The following PDGFC variants were observed in gnomAD, a reference collection of about 807,000 sequenced individuals.
PDGFC encodes platelet derived growth factor C, also known as platelet-derived growth factor C.
In PDGFC, 12 loss-of-function variants were observed where a neutral mutation model predicts 35.5. The observed-to-expected ratio is 0.34, with a 90% CI of 0.22 to 0.55. The LOEUF is 0.55. Among genes scored for constraint, PDGFC ranks in the 20% least tolerant of loss-of-function variants. The pLI is 0.91. For missense variants in PDGFC, 322 were observed against 412.4 expected, an observed-to-expected ratio of 0.78 and a Z score of 1.90; for synonymous variants, 159 against 148.8, an observed-to-expected ratio of 1.07 and a Z score of -0.50.
chr4:156,926,649 T>A (rs1324837962), intron 1 of PDGFC, among the ~76,000 whole-genome samples: 1 of 152,226 alleles, frequency 6.6e-6, no homozygotes, highest in Non-Finnish European at 1.5e-5. Flanking sequence ...ATGTCTCACA[T>A]CCAGGTCACA....
chr4:156,876,073 A>C (rs1482229981), intron 1 of PDGFC, among the ~76,000 whole-genome samples: 1 of 152,220 alleles, frequency 6.6e-6, no homozygotes, highest in Non-Finnish European at 1.5e-5. Context: ...GGAACAGAAA[A>C]AGAATCAAAA....
intron 1 of PDGFC, among the ~76,000 whole-genome samples, chr4:156,922,505 A>T (rs2110846550): frequency 6.6e-6 from 1 of 152,350 alleles, no homozygotes; most frequent in African/African-American, 2.4e-5. Context: ...ATCAAGAGCA[A>T]GGGCAGAGTG....
intron 3 of PDGFC, among the ~76,000 whole-genome samples, chr4:156,799,344 CCT>C (rs1044031398): frequency 3.9e-5 from 6 of 152,154 alleles, no homozygotes; most frequent in Non-Finnish European, 5.9e-5. Flanking sequence ...GAAATTCCCC[CCT>C]CAGTTTTCTG....
At chr4:156,928,158 C>T (rs1399288122) in intron 1 of PDGFC, among the ~76,000 whole-genome samples, 4 of 152,134 alleles carry the variant, frequency 2.6e-5, no homozygotes, top group South Asian at 2.1e-4. Flanking sequence ...TCCCACAACA[C>T]GTAGGAATTA....
chr4:156,771,947 A>T (rs900193116), intron 4 of PDGFC, among the ~76,000 whole-genome samples: 14 of 152,214 alleles, frequency 9.2e-5, no homozygotes, highest in Non-Finnish European at 5.9e-5. Flanking sequence ...TACTAAAAAA[A>T]TTAGGTAATT....
chr4:156,769,979 A>G (rs1346702781), intron 4 of PDGFC, among the ~76,000 whole-genome samples: 2 of 152,012 alleles, frequency 1.3e-5, no homozygotes, highest in African/African-American at 2.4e-5. Flanking sequence ...CAGCTCTCAA[A>G]GCATATTCAC....
At position 156,797,195 on chromosome 4, in the gene PDGFC, G is replaced by A. The variant is rs1448662686; in HGVS notation, c.495+13642C>T. ...AGAGCTTACAGTGAGCAGAGATCGC[G>A]CCACTGCACTCCACCCTGTGCGACA... is the stretch of plus-strand genomic sequence containing the variant. On this transcript the variant is annotated intron_variant, in intron 3 of 5. Transcript: ENST00000502773. Among the ~76,000 whole-genome samples, 5 of 149,682 alleles carry A rather than the reference G, an allele frequency of 3.3e-5. No homozygotes were observed. The East Asian group carries it at 6.0e-4, about 18-fold the overall frequency.
At chr4:156,893,638 TA>T (rs1730565756) in intron 1 of PDGFC, among the ~76,000 whole-genome samples, 1 of 151,042 alleles carries the variant, frequency 6.6e-6, no homozygotes, top group African/African-American at 2.4e-5. Flanking sequence ...ATACCCAGCC[TA>T]AACGTATTTT....
chr4:156,805,344 TAAATACAAAA>T (rs1731729161), intron 3 of PDGFC, among the ~76,000 whole-genome samples: 1 of 152,056 alleles, frequency 6.6e-6, no homozygotes, highest in Admixed American at 6.6e-5. Context: ...TTCCAGTCTC[TAAATACAAAA>T]AAATTCTAAG....
chr4:156,820,862 T>C lies in PDGFC; in HGVS notation c.315-9845A>G, dbSNP rs76553261. ...TTCAACAGAAACTAGAGGCAGTATA[T>C]TGGATCAAATTAAAGGTAATTCTCA... On this transcript the variant is annotated intron_variant, in intron 2 of 5. Transcript: ENST00000502773. Among the ~76,000 whole-genome samples the C allele has an allele frequency of 6.9e-3, 1,045 of 152,262 alleles. 16 individuals carry two copies. Among genetic ancestry groups the C allele is most frequent in the African/African-American group, 0.024 (1,006 of 41,552 alleles).
In PDGFC at chr4:156,786,900, T is replaced by G. The variant is rs144096013; in HGVS notation, c.496-14007A>C. On this transcript the variant is annotated intron_variant, in intron 3 of 5. Transcript: ENST00000502773. ...TTATGTTTAAAAGGATCACACTCAC[T>G]GCTGTGCTGAAAATAGAATGCAGGA... Among the ~76,000 whole-genome samples, 12 of 152,310 alleles carry G rather than the reference T, an allele frequency of 7.9e-5. No individual in the cohort carries two copies. The East Asian group carries it at 2.3e-3, about 29-fold the overall frequency.
intron 3 of PDGFC, among the ~76,000 whole-genome samples, chr4:156,795,115 G>A (rs1026578028): frequency 6.6e-6 from 1 of 152,138 alleles, no homozygotes; most frequent in Non-Finnish European, 1.5e-5. Context: ...ACTTGTATTT[G>A]TTCCCAAAAG....
intron 3 of PDGFC, among the ~76,000 whole-genome samples, chr4:156,785,425 G>C (rs1731095249): frequency 6.6e-6 from 1 of 152,150 alleles, no homozygotes; most frequent in South Asian, 2.1e-4. Context: ...TGTTGGCCAG[G>C]CTAGTCTCGA....
intron 2 of PDGFC, among the ~76,000 whole-genome samples, chr4:156,820,652 C>CT (rs1474814646): frequency 1.3e-5 from 2 of 152,084 alleles, no homozygotes; most frequent in Admixed American, 1.3e-4. Context: ...TACTTTATGA[C>CT]TGAGTATGGC....
intron 1 of PDGFC, among the ~76,000 whole-genome samples, chr4:156,851,857 G>C (rs28394476): frequency 0.034 from 4,925 of 144,506 alleles, 301 homozygotes; most frequent in African/African-American, 0.12. Context: ...TGTGAACCCA[G>C]AAGGCGGAGC....
intron 1 of PDGFC, among the ~76,000 whole-genome samples, chr4:156,906,851 C>G (rs1353176911): frequency 6.6e-6 from 1 of 152,150 alleles, no homozygotes; most frequent in Non-Finnish European, 1.5e-5. Flanking sequence ...TAATTTTACA[C>G]TCACTTCCAA....
rs184332933 is a variant in PDGFC, at chr4:156,908,404, A to T, written c.119-57988T>A. 1.8e-4 allele frequency among the ~76,000 whole-genome samples: 28 copies of T among 152,236 alleles called. No individual in the cohort carries two copies. In the South Asian group the frequency reaches 5.4e-3, roughly 29 times the overall value. On this transcript the variant is annotated intron_variant, in intron 1 of 5. Transcript: ENST00000502773. ...GCTCATTTGTGTAAATAAATAAATA[A>T]ATATTTATTTCAATCTAGAAATGCC...
chr4:156,950,634 A>C (rs1732057105), intron 1 of PDGFC, among the ~76,000 whole-genome samples: 1 of 151,696 alleles, frequency 6.6e-6, no homozygotes, highest in Admixed American at 6.6e-5. Context: ...TTGTAGTTTA[A>C]CTTCTAAACC....
chr4:156,868,698 A>G (rs543375746), intron 1 of PDGFC, among the ~76,000 whole-genome samples: 1 of 152,294 alleles, frequency 6.6e-6, no homozygotes, highest in African/African-American at 2.4e-5. Flanking sequence ...CTAGTTCTTA[A>G]TTGACCTTTT....
Sources: allele counts gnomAD v4.1 joint callset (sites outside exome capture counted in the v4.1 genomes callset), GRCh38; gene constraint gnomAD v4.1.1; transcripts MANE v1.5; gene names NCBI Gene and HGNC (gene_info 2026-07-23, HGNC 2026-07-21).